Variants in TNPO2 observed in about 807,000 individuals in gnomAD.
The protein encoded by TNPO2 is transportin 2.
TNPO2 carries 16 observed loss-of-function variants against 111.1 expected under a neutral mutation model. That is an observed-to-expected ratio of 0.14 (90% confidence interval 0.10 to 0.22). The LOEUF is 0.22. Ranked by LOEUF, TNPO2 falls within the 10% of genes least tolerant of loss-of-function variation. TNPO2 has a pLI of 1.00. For synonymous variants in TNPO2, 481 were observed against 475.8 expected (o/e 1.01, Z -0.14); for missense variants, 530 against 1,173.7 (o/e 0.45, Z 8.01).
At position 12,710,550 on chromosome 19, in the gene TNPO2, G is replaced by T. The variant is rs575784902; in HGVS notation, c.1270+71C>A. ...GCCTCCAGGGAGAACTGAGGCATTGGTGTGGCTAGTAATGTGGGCCAGCCC... is the reference window on the plus strand; with the variant it reads ...GCCTCCAGGGAGAACTGAGGCATTGTTGTGGCTAGTAATGTGGGCCAGCCC... On this transcript the variant is annotated intron_variant, in intron 13 of 25. Coordinates refer to ENST00000425528, the MANE Select transcript of TNPO2 (RefSeq NM_001382241.1). 2.1e-5 allele frequency: 32 copies of T among 1,540,066 alleles called. No homozygotes were observed. In the South Asian group the frequency reaches 3.7e-4, roughly 18 times the overall value.
At chr19:12,707,767 T>C (rs1294279509) in intron 13 of TNPO2, among the ~76,000 whole-genome samples, 1 of 151,814 alleles carries the variant, frequency 6.6e-6, no homozygotes, top group Admixed American at 6.6e-5. Context: ...ATTATAGGTG[T>C]CTGGCCGTTT....
At position 12,712,773 on chromosome 19, in the gene TNPO2, C is replaced by T. The variant is rs186291157; in HGVS notation, c.891-1160G>A. On this transcript the variant is annotated intron_variant, in intron 10 of 25. Transcript: ENST00000425528. Reference sequence around the variant, plus strand: ...GCAGCCAGACATTTGGGGTCACTACCGGTCTCCGCGCATTGGTGGTAGTGG... The same window carrying T: ...GCAGCCAGACATTTGGGGTCACTACTGGTCTCCGCGCATTGGTGGTAGTGG... 1.3e-4 allele frequency among the ~76,000 whole-genome samples: 20 copies of T among 152,260 alleles called. 1 individual carries two copies. In the East Asian group the frequency reaches 2.1e-3, roughly 16 times the overall value.
rs2145439677 is a variant in TNPO2, at chr19:12,701,346, C to G, written c.2694G>C (p.Ter898TyrextTer38). Residue 898 changes from the stop codon to tyrosine, a stop_lost, in exon 25 of 26, where the codon TAG (stop) becomes TAC (tyrosine). Coordinates refer to ENST00000425528, the MANE Select transcript of TNPO2 (RefSeq NM_001382241.1). This position sits in a 1 kb window ranked among gnomAD's most constrained non-coding sequence, Gnocchi z 5.0. The part of the protein sequence containing the change: ...KERLAAFYGV[*>Y] ...CTTACCTGGCAGTCTCCATGATCAC[C>G]TAGACCCCATAGAAAGCCGCCAGCC... The G allele has an allele frequency of 6.2e-7, 1 of 1,613,430 alleles. No individual in the cohort carries two copies. Among genetic ancestry groups the G allele is most frequent in the South Asian group, 1.1e-5 (1 of 91,060 alleles).
Position 12,715,628 on chromosome 19 carries a change from C to T in TNPO2, c.432+5G>A. 4.3e-6 allele frequency: 7 copies of T among 1,613,740 alleles called. No individual in the cohort carries two copies. Among genetic ancestry groups the T allele is most frequent in the Non-Finnish European group, 5.1e-6 (6 of 1,179,764 alleles). Reference sequence around the variant, plus strand: ...CGCTCTGGCCATCCATGGCTTCTTGCCTACCTCACAAGTGTTGTAATCCTC... The same window carrying T: ...CGCTCTGGCCATCCATGGCTTCTTGTCTACCTCACAAGTGTTGTAATCCTC... On this transcript the variant is annotated splice_donor_5th_base_variant and intron_variant, in intron 6 of 25. Coordinates refer to ENST00000425528, the MANE Select transcript of TNPO2 (RefSeq NM_001382241.1). The surrounding 1 kb of genome is among the most constrained non-coding windows in gnomAD (Gnocchi z 7.1).
At position 12,702,136 on chromosome 19, in the gene TNPO2, C is replaced by T. The variant is rs745756507; in HGVS notation, c.2347G>A (p.Gly783Ser). ...TGGGGGCACACGTAGCCCAAGCGGC[C>T]GATGGTGATGGCTGGAATGGCAGAG... The part of the protein sequence containing the change: ...SPSAIPAITI[G>S]RLGYVCPQEV... Residue 783 changes from glycine to serine, a missense_variant, in exon 22 of 26, where the codon GGC (glycine) becomes AGC (serine). Transcript: ENST00000425528. This position sits in a 1 kb window ranked among gnomAD's most constrained non-coding sequence, Gnocchi z 5.5. 6.2e-7 allele frequency: 1 copy of T among 1,613,472 alleles called. No individual in the cohort carries two copies. Among genetic ancestry groups the T allele is most frequent in the South Asian group, 1.1e-5 (1 of 91,074 alleles).
intron 13 of TNPO2, among the ~76,000 whole-genome samples, chr19:12,709,018 G>A (rs1445349698): frequency 6.9e-5 from 10 of 145,602 alleles, no homozygotes; most frequent in Middle Eastern, 8.3e-3. Flanking sequence ...CAGCCTGGGC[G>A]ATAAGAGGGA....
chr19:12,702,351 A>G lies in TNPO2; in HGVS notation c.2306-174T>C. The G allele has an allele frequency of 1.4e-6, 1 of 693,640 alleles. No homozygotes were observed. The highest frequency in any genetic ancestry group is 2.6e-6 in the Non-Finnish European group (1 of 381,488). The allele number at this position is 693,640 out of a possible 1,614,324, so 43.0% of individuals were successfully genotyped here. ...TGAGTCACTTCCCAGGTCTCTCTGC[A>G]TCTATCTTTCTTTCTTTCCTTTCCC... On this transcript the variant is annotated intron_variant, in intron 21 of 25. Transcript: ENST00000425528. This position sits in a 1 kb window ranked among gnomAD's most constrained non-coding sequence, Gnocchi z 5.5.
chr19:12,705,754 C>T lies in TNPO2; in HGVS notation c.1683G>A (p.Lys561=), dbSNP rs2025613272. The change falls in exon 16 of 26, where the codon AAG becomes AAA. Residue 561 remains lysine, a synonymous_variant. Transcript: ENST00000425528. This position sits in a 1 kb window ranked among gnomAD's most constrained non-coding sequence, Gnocchi z 7.2. ...HHLNQPEYIQ[K]LMPPLIQKWN... is the part of the protein sequence containing the mutation. The stretch of plus-strand genomic sequence containing the variant: ...ACTTCTGGATCAGTGGGGGCATCAG[C>T]TTCTGGATGTATTCCTGGAGAGGGA... The T allele has an allele frequency of 1.2e-5, 17 of 1,465,200 alleles. No individual in the cohort carries two copies. The highest frequency in any genetic ancestry group is 1.4e-5 in the Non-Finnish European group (16 of 1,104,660). 90.8% of individuals were successfully genotyped at this position (1,465,200 alleles called of 1,614,324 possible).
chr19:12,706,448 T>A lies in TNPO2; in HGVS notation c.1497-81A>T. On this transcript the variant is annotated intron_variant, in intron 14 of 25. Coordinates refer to ENST00000425528, the MANE Select transcript of TNPO2 (RefSeq NM_001382241.1). The surrounding 1 kb of genome is among the most constrained non-coding windows in gnomAD (Gnocchi z 7.0). The stretch of plus-strand genomic sequence containing the variant: ...GCCATGGGCAGTTGGGGAGGGCAAC[T>A]CAGGATCAGCCAGTACGAATACGCG... 1.3e-6 allele frequency: 2 copies of A among 1,588,582 alleles called. No individual in the cohort carries two copies. The highest frequency in any genetic ancestry group is 1.7e-6 in the Non-Finnish European group (2 of 1,157,598).
rs919380480 is a variant in TNPO2, at chr19:12,715,962, T to C, written c.326-223A>G. 6.6e-6 allele frequency among the ~76,000 whole-genome samples: 1 copy of C among 151,668 alleles called. No individual in the cohort carries two copies. Among genetic ancestry groups the C allele is most frequent in the Non-Finnish European group, 1.5e-5 (1 of 67,934 alleles). On this transcript the variant is annotated intron_variant, in intron 5 of 25. Transcript: ENST00000425528. The surrounding 1 kb of genome is among the most constrained non-coding windows in gnomAD (Gnocchi z 7.1). ...ATAGTCCACAGCAGCCTCAAACTCC[T>C]GGCCTCAAGCCATCTTCCTGCCTCA... is the stretch of plus-strand genomic sequence containing the variant.
chr19:12,718,830 C>T (rs996464572), intron 5 of TNPO2, among the ~76,000 whole-genome samples, 199 bp downstream of exon 5: 2 of 152,214 alleles, frequency 1.3e-5, no homozygotes, highest in Admixed American at 1.3e-4. Flanking sequence ...TGCACTGCCT[C>T]AGCTGTTTCT....
chr19:12,721,162 C>A lies in TNPO2; in HGVS notation c.-13-172G>T, dbSNP rs1015066404. ...GCGGGGTCCCCGCCAGCTGCGCCAT[C>A]CTCGGCCGCGCAGTCGCGGGCTCGG... On this transcript the variant is annotated intron_variant, in intron 2 of 25. Coordinates refer to ENST00000425528, the MANE Select transcript of TNPO2 (RefSeq NM_001382241.1). This position sits in a 1 kb window ranked among gnomAD's most constrained non-coding sequence, Gnocchi z 4.9. 2.1e-6 allele frequency: 3 copies of A among 1,413,690 alleles called. No homozygotes were observed. The highest frequency in any genetic ancestry group is 3.0e-5 in the Admixed American group (1 of 33,258). 87.6% of individuals were successfully genotyped at this position (1,413,690 alleles called of 1,614,324 possible). A position where few individuals can be genotyped will look rare whatever the true frequency, so the allele number is the denominator to read the frequency against.
chr19:12,705,324 G>A lies in TNPO2; in HGVS notation c.1938C>T (p.Ser646=), dbSNP rs762436186. 1.1e-4 allele frequency: 176 copies of A among 1,593,864 alleles called. No individual in the cohort carries two copies. Among genetic ancestry groups the A allele is most frequent in the Admixed American group, 1.8e-4 (10 of 56,958 alleles). The change falls in exon 18 of 26, where the codon AGC becomes AGT. Residue 646 remains serine, a synonymous_variant. Transcript: ENST00000425528. The surrounding 1 kb of genome is among the most constrained non-coding windows in gnomAD (Gnocchi z 7.2). ...DFMIVALDLL[S]GLAEGLGGHV... ...GACCACCCAGGCCCTCGGCCAGGCC[G>A]CTGAGCAGATCCAGTGCTACGATCA... is the stretch of plus-strand genomic sequence containing the variant.
intron 13 of TNPO2, among the ~76,000 whole-genome samples, chr19:12,708,959 C>G (rs903626498): frequency 6.7e-6 from 1 of 149,912 alleles, no homozygotes; most frequent in Non-Finnish European, 1.5e-5. Context: ...TGCTTGAACC[C>G]GGGAGGCAGA....
Position 12,705,384 on chromosome 19 carries a change from G to T in TNPO2, c.1878C>A (p.His626Gln). Residue 626 changes from histidine to glutamine, a missense_variant, in exon 18 of 26, where the codon CAC becomes CAA. Physicochemically the swap from His to Gln is conservative, Grantham distance 24 (BLOSUM62 0). Transcript: ENST00000425528. The surrounding 1 kb of genome is among the most constrained non-coding windows in gnomAD (Gnocchi z 7.2). ...TGTCGGGAGCCTCATACTGCTCAGG[G>T]TGCTGGGTGTACATCTAGACACAGA... ...TLAQAMMYTQ[H>Q]PEQYEAPDKD... 1 of 1,584,990 alleles carries T rather than the reference G, an allele frequency of 6.3e-7. No homozygotes were observed. Among genetic ancestry groups the T allele is most frequent in the Non-Finnish European group, 8.6e-7 (1 of 1,165,846 alleles).
chr19:12,718,023 G>T (rs1021700293), intron 5 of TNPO2, among the ~76,000 whole-genome samples: 1 of 151,468 alleles, frequency 6.6e-6, no homozygotes, highest in Non-Finnish European at 1.5e-5. Flanking sequence ...AGTTTTTTTT[G>T]AGATGGAGTC....
At chr19:12,718,946 A>G in intron 5 of TNPO2, 83 bp downstream of exon 5, 1 of 1,548,950 alleles carries the variant, frequency 6.5e-7, no homozygotes, top group Non-Finnish European at 8.8e-7. Context: ...GTGCCAGAGC[A>G]TTCCATGAAG....
intron 5 of TNPO2, among the ~76,000 whole-genome samples, chr19:12,717,716 G>A (rs1257448107): frequency 6.6e-6 from 1 of 152,068 alleles, no homozygotes; most frequent in Non-Finnish European, 1.5e-5. Flanking sequence ...TCAGTCTGTT[G>A]CCCAGGATAG....
At chr19:12,703,902 T>G in intron 18 of TNPO2, 101 bp from the exon 19 acceptor site, 1 of 1,073,150 alleles carries the variant, frequency 9.3e-7, no homozygotes, top group Non-Finnish European at 1.3e-6. Context: ...TCTGCCACTT[T>G]CCAGTTCTAG....
Sources: allele counts gnomAD v4.1 joint callset (sites outside exome capture counted in the v4.1 genomes callset), GRCh38; gene constraint gnomAD v4.1.1; non-coding constraint Gnocchi (gnomAD v3.1); transcripts MANE v1.5; gene names NCBI Gene and HGNC (gene_info 2026-07-23, HGNC 2026-07-21).